The following GNE variants were observed in gnomAD, a reference collection of about 807,000 sequenced individuals.
GNE encodes the protein bifunctional UDP-N-acetylglucosamine 2-epimerase/N-acetylmannosamine kinase.
GNE carries 41 observed loss-of-function variants against 61.8 expected under a neutral mutation model. That is an observed-to-expected ratio of 0.66 (90% CI 0.52 to 0.86). The LOEUF (loss-of-function observed/expected upper bound fraction) is 0.86, where lower values mean the gene tolerates loss of function less well. Ranked by LOEUF, GNE falls within the 40% of genes least tolerant of loss-of-function variation. GNE has a pLI of 0.00. For missense variants in GNE, 608 were observed against 909.1 expected (o/e 0.67, Z 4.26); for synonymous variants, 264 against 326.4 (o/e 0.81, Z 2.06).
chr9:36,223,908 C>T (rs999807816), intron 7 of GNE, among the ~76,000 whole-genome samples: 3 of 151,992 alleles, frequency 2.0e-5, no homozygotes, highest in Non-Finnish European at 2.9e-5. Flanking sequence ...CCTGCCACCA[C>T]GCCCGGCTAA....
intron 1 of GNE, among the ~76,000 whole-genome samples, chr9:36,251,484 C>T (rs1830103467): frequency 6.6e-6 from 1 of 152,150 alleles, no homozygotes; most frequent in Non-Finnish European, 1.5e-5. Context: ...TATTCACAAG[C>T]ACGATCATAG....
chr9:36,276,016 T>G (rs1341128178), intron 1 of GNE, among the ~76,000 whole-genome samples: 1 of 152,084 alleles, frequency 6.6e-6, no homozygotes, highest in South Asian at 2.1e-4. Flanking sequence ...CTACAAAAAA[T>G]TTAAAAGTTT....
At chr9:36,223,755 CTTT>C (rs377239651) in intron 7 of GNE, among the ~76,000 whole-genome samples, 1 of 143,008 alleles carries the variant, frequency 7.0e-6, no homozygotes. Flanking sequence ...GGGCCCCTCT[CTTT>C]TTTTTTTTTT....
chr9:36,265,925 TTTTTA>T (rs1168834089), intron 1 of GNE, among the ~76,000 whole-genome samples: 3 of 151,972 alleles, frequency 2.0e-5, no homozygotes, highest in East Asian at 1.9e-4. Context: ...CCCAGTTATT[TTTTTA>T]TTTTATTTTA....
intron 1 of GNE, among the ~76,000 whole-genome samples, chr9:36,275,112 A>G (rs1831213641): frequency 6.6e-6 from 1 of 152,200 alleles, no homozygotes; most frequent in Non-Finnish European, 1.5e-5. Flanking sequence ...TACTTATAGG[A>G]CATCTTTATT....
At chr9:36,265,222 A>G (rs535021428) in intron 1 of GNE, 7 of 361,302 alleles carry the variant, frequency 1.9e-5, no homozygotes, top group African/African-American at 1.5e-4. Context: ...GTTCTCTTCC[A>G]TGACCCACGT....
At chr9:36,232,876 T>C (rs185313137) in intron 5 of GNE, among the ~76,000 whole-genome samples, 4 of 152,364 alleles carry the variant, frequency 2.6e-5, no homozygotes, top group Admixed American at 1.3e-4. Flanking sequence ...GGTAGGTGTT[T>C]ACTAAATATT....
At chr9:36,244,996 G>A (rs1207035164) in intron 3 of GNE, among the ~76,000 whole-genome samples, 2 of 144,832 alleles carry the variant, frequency 1.4e-5, no homozygotes, top group Non-Finnish European at 3.0e-5. Context: ...CAGAAAATCA[G>A]GCCAGGCACG....
chr9:36,246,849 A>G (rs1445525041), intron 2 of GNE, among the ~76,000 whole-genome samples: 2 of 151,538 alleles, frequency 1.3e-5, no homozygotes, highest in African/African-American at 4.8e-5. Flanking sequence ...TTCTATTTTT[A>G]GTACAGATGG....
upstream of GNE, among the ~76,000 whole-genome samples, chr9:36,261,508 G>A (rs531312197): frequency 2.6e-4 from 39 of 150,002 alleles, no homozygotes; most frequent in African/African-American, 8.1e-4. Context: ...AGCCGAGATC[G>A]TGCCACTGCA....
chr9:36,234,678 G>T (rs1829320412), intron 4 of GNE, among the ~76,000 whole-genome samples: 1 of 152,080 alleles, frequency 6.6e-6, no homozygotes. Context: ...GATACATGAA[G>T]GGGAGGCAAT....
At chr9:36,251,463 A>T (rs1036714556) in intron 1 of GNE, among the ~76,000 whole-genome samples, 27 of 152,268 alleles carry the variant, frequency 1.8e-4, no homozygotes, top group Admixed American at 7.9e-4. Context: ...CCCAAGCTAG[A>T]GTGCAGTAGC....
intron 10 of GNE, 74 bp downstream of exon 10, chr9:36,219,764 T>G: frequency 3.8e-6 from 5 of 1,327,520 alleles, no homozygotes; most frequent in Non-Finnish European, 5.4e-6. Flanking sequence ...AGTGTTCAGC[T>G]GTCTTTGGAA....
Position 36,265,065 on chromosome 9 carries a change from C to T in GNE, c.51+11829G>A, listed in dbSNP as rs1023362312. 2.6e-5 allele frequency: 8 copies of T among 302,704 alleles called. No individual in the cohort carries two copies. In the Admixed American group the frequency reaches 2.9e-4, roughly 11 times the overall value. The allele number at this position is 302,704 out of a possible 1,614,324, so 18.8% of individuals were successfully genotyped here. A position where few individuals can be genotyped will look rare whatever the true frequency, so the allele number is the denominator to read the frequency against. ...GACCCGCCGCTGACTTCCACCCCTC[C>T]GGATCTGGCAGGGTGTCTGCTGTGC... is the stretch of plus-strand genomic sequence containing the variant. On this transcript the variant is annotated intron_variant, in intron 1 of 11. Coordinates refer to the GNE transcript ENST00000396594.
intron 4 of GNE, among the ~76,000 whole-genome samples, chr9:36,235,604 CAT>C: frequency 6.6e-6 from 1 of 152,188 alleles, no homozygotes; most frequent in African/African-American, 2.4e-5. Context: ...TTACATTACA[CAT>C]ATTTATAAAA....
At position 36,216,134 on chromosome 9, in the gene GNE, G is replaced by A; in HGVS notation, c.*1231C>T. ...GGATATCTGAGATGGGGGAGTGATAGATATGTCCAGTGTCTTGATTGTGGT... is the reference window on the plus strand; with the variant it reads ...GGATATCTGAGATGGGGGAGTGATAAATATGTCCAGTGTCTTGATTGTGGT... On this transcript the variant is annotated 3_prime_UTR_variant, in exon 12 of 12. Coordinates refer to ENST00000642385, the MANE Select transcript of GNE (RefSeq NM_005476.7). 2.8e-6 allele frequency: 1 copy of A among 357,838 alleles called. No individual in the cohort carries two copies. The highest frequency in any genetic ancestry group is 8.3e-5 in the East Asian group (1 of 11,988). 22.2% of individuals were successfully genotyped at this position (357,838 alleles called of 1,614,324 possible).
chr9:36,248,170 G>A (rs190723996), intron 2 of GNE, among the ~76,000 whole-genome samples: 1 of 152,184 alleles, frequency 6.6e-6, no homozygotes, highest in African/African-American at 2.4e-5. Flanking sequence ...TTTAACGCAA[G>A]GTTCTTTCAG....
chr9:36,271,621 G>A (rs528808220), intron 1 of GNE, among the ~76,000 whole-genome samples: 1 of 152,186 alleles, frequency 6.6e-6, no homozygotes, highest in African/African-American at 2.4e-5. Context: ...TGATCTGCCT[G>A]CCTCGGCCTC....
intron 7 of GNE, among the ~76,000 whole-genome samples, chr9:36,224,609 C>T (rs534546380): frequency 1.3e-5 from 2 of 152,316 alleles, no homozygotes; most frequent in African/African-American, 4.8e-5. Context: ...TGGCTCACGC[C>T]TGTAATCCCA....
Sources: allele counts gnomAD v4.1 joint callset (sites outside exome capture counted in the v4.1 genomes callset), GRCh38; gene constraint gnomAD v4.1.1; transcripts MANE v1.5; gene names NCBI Gene and HGNC (gene_info 2026-07-23, HGNC 2026-07-21).